The following FAM220A variants were observed in gnomAD, a reference collection of about 807,000 sequenced individuals.
FAM220A encodes the protein family with sequence similarity 220 member A.
For synonymous variants in FAM220A, 141 were observed against 130.7 expected, an observed-to-expected ratio of 1.08 and a Z score of -0.54; for missense variants, 392 against 321.6, an observed-to-expected ratio of 1.22 and a Z score of -1.68.
At chr7:6,336,462 C>A (rs1241834421) in intron 1 of FAM220A, among the ~76,000 whole-genome samples, 2 of 152,126 alleles carry the variant, frequency 1.3e-5, no homozygotes, top group Non-Finnish European at 2.9e-5. Flanking sequence ...AGGCAGATCT[C>A]TTGAGGTCAG....
At chr7:6,337,342 TAACTCC>T (rs1437901223) in intron 1 of FAM220A, among the ~76,000 whole-genome samples, 1 of 151,662 alleles carries the variant, frequency 6.6e-6, no homozygotes, top group Non-Finnish European at 1.5e-5. Flanking sequence ...GGCTGGTCTC[TAACTCC>T]TGACCTCAGG....
At chr7:6,346,131 G>A (rs1781947012) in intron 1 of FAM220A, among the ~76,000 whole-genome samples, 1 of 151,912 alleles carries the variant, frequency 6.6e-6, no homozygotes, top group African/African-American at 2.4e-5. Context: ...ATTTCTCTTG[G>A]TGCTGACTAG....
intron 1 of FAM220A, among the ~76,000 whole-genome samples, chr7:6,343,043 AAAAAAG>A (rs1781892308): frequency 7.9e-6 from 1 of 126,098 alleles, no homozygotes; most frequent in Non-Finnish European, 1.7e-5. Context: ...TCTCAAAAAA[AAAAAAG>A]AAAAAAGAAA....
intron 1 of FAM220A, among the ~76,000 whole-genome samples, chr7:6,333,276 G>A (rs796407720): frequency 2.9e-4 from 44 of 152,188 alleles, no homozygotes; most frequent in African/African-American, 1.0e-3. Context: ...AAGAGACCTC[G>A]GGCCATGTCA....
intron 1 of FAM220A, 40 bp downstream of exon 1, chr7:6,348,531 GCT>G (rs1781999261): frequency 2.4e-6 from 1 of 416,534 alleles, no homozygotes; most frequent in Non-Finnish European, 4.2e-6. Context: ...CGAGGCGGGC[GCT>G]CGGGGAGGGC....
chr7:6,348,313 T>C (rs1392371815), intron 1 of FAM220A, among the ~76,000 whole-genome samples: 3 of 151,818 alleles, frequency 2.0e-5, no homozygotes, highest in Non-Finnish European at 2.9e-5. Flanking sequence ...TTCCAGCCCA[T>C]GCAGTCTCGG....
chr7:6,348,013 C>A (rs1276167714), intron 1 of FAM220A, among the ~76,000 whole-genome samples: 2 of 151,442 alleles, frequency 1.3e-5, no homozygotes, highest in Non-Finnish European at 1.5e-5. Flanking sequence ...CAGGTTCCAG[C>A]GATTCTGCCG....
intron 1 of FAM220A, among the ~76,000 whole-genome samples, chr7:6,347,852 G>A (rs1781982301): frequency 1.3e-5 from 2 of 150,300 alleles, no homozygotes; most frequent in South Asian, 2.1e-4. Context: ...CCAGGAGTTC[G>A]AGACCAGCCT....
chr7:6,348,666 C>A lies in FAM220A; in HGVS notation c.-175G>T, dbSNP rs1477511014. 5 of 508,324 alleles carry A rather than the reference C, an allele frequency of 9.8e-6. No homozygotes were observed. The highest frequency in any genetic ancestry group is 9.1e-5 in the Admixed American group (3 of 32,826). The allele number at this position is 508,324 out of a possible 1,614,324, so 31.5% of individuals were successfully genotyped here. A position where few individuals can be genotyped will look rare whatever the true frequency, so the allele number is the denominator to read the frequency against. The stretch of plus-strand genomic sequence containing the variant: ...AGGCCAGGTCGAAGAAGATGAGCAG[C>A]GTGCGAGTCAGCCCCTTGCAGAAGA... On this transcript the variant is annotated 5_prime_UTR_variant, in exon 1 of 2. Coordinates refer to ENST00000313324, the MANE Select transcript of FAM220A (RefSeq NM_001037163.2).
Position 6,330,355 on chromosome 7 carries a change from G to A in FAM220A, c.*20C>T, listed in dbSNP as rs201672957. On this transcript the variant is annotated 3_prime_UTR_variant, in exon 2 of 2. Coordinates refer to ENST00000313324, the MANE Select transcript of FAM220A (RefSeq NM_001037163.2). ...AGACAACTCTTAAAATTAATCTATT[G>A]GTATTGTTCTGCTTGTACCTTAACT... 1.4e-4 allele frequency: 228 copies of A among 1,581,554 alleles called. 2 individuals are homozygous for A. The African/African-American group carries it at 2.6e-3, about 18-fold the overall frequency.
chr7:6,330,744 G>C lies in FAM220A; in HGVS notation c.411C>G (p.Ala137=). 1.2e-6 allele frequency: 2 copies of C among 1,614,130 alleles called. No homozygotes were observed. The highest frequency in any genetic ancestry group is 3.3e-5 in the Admixed American group (2 of 60,002). ...GGCACTGTCCTCTGTGGCCGTCAGT[G>C]GCCCTGGGCCCTCCTCCCAGCCAGT... ...RRDWLGGGPR[A]TDGHRGQCPK... The change falls in exon 2 of 2, where the codon GCC becomes GCG. Residue 137 remains alanine (A), a synonymous_variant. Coordinates refer to ENST00000313324, the MANE Select transcript of FAM220A (RefSeq NM_001037163.2).
In FAM220A at chr7:6,348,615, GT is replaced by G. The variant is rs1782000733; in HGVS notation, c.-125del. ...GCATCATGGAAGCCACGATGTAGAG[GT>G]AGGGGAAGTTGATACGCAGCCGCCA... On this transcript the variant is annotated 5_prime_UTR_variant, in exon 1 of 2. An upstream open reading frame in the 5' UTR gains an earlier in-frame stop. Coordinates refer to ENST00000313324, the MANE Select transcript of FAM220A (RefSeq NM_001037163.2). 2.0e-6 allele frequency: 1 copy of G among 492,594 alleles called. No homozygotes were observed. The highest frequency in any genetic ancestry group is 3.3e-5 in the Admixed American group (1 of 30,404). 30.5% of individuals were successfully genotyped at this position (492,594 alleles called of 1,614,324 possible).
rs1283589079 is a variant in FAM220A, at chr7:6,330,745, G to A, written c.410C>T (p.Ala137Val). ...RRDWLGGGPR[A>V]TDGHRGQCPK... is the part of the protein sequence containing the mutation. ...GCACTGTCCTCTGTGGCCGTCAGTG[G>A]CCCTGGGCCCTCCTCCCAGCCAGTC... The change falls in exon 2 of 2, where the codon GCC becomes GTC. Residue 137 changes from alanine to valine, a missense_variant. By Grantham distance (64) the Ala-to-Val change is moderately conservative. Transcript: ENST00000313324. 3.7e-6 allele frequency: 6 copies of A among 1,614,018 alleles called. No homozygotes were observed. Among genetic ancestry groups the A allele is most frequent in the East Asian group, 4.5e-5 (2 of 44,892 alleles).
At chr7:6,343,109 G>T (rs1197652941) in intron 1 of FAM220A, among the ~76,000 whole-genome samples, 1 of 151,420 alleles carries the variant, frequency 6.6e-6, no homozygotes, top group African/African-American at 2.4e-5. Context: ...AGGTGCAGTG[G>T]CTTACACCTG....
chr7:6,348,539 A>AGGGCCGG (rs1345377605), intron 1 of FAM220A, 34 bp downstream of exon 1: 2 of 418,310 alleles, frequency 4.8e-6, no homozygotes, highest in Non-Finnish European at 8.5e-6. Flanking sequence ...GCGCTCGGGG[A>AGGGCCGG]GGGCCGGGGG....
At position 6,331,132 on chromosome 7, in the gene FAM220A, A is replaced by C. The variant is rs1376781348; in HGVS notation, c.23T>G (p.Leu8Arg). The change falls in exon 2 of 2, where the codon CTC (leucine) becomes CGC (arginine). Residue 8 changes from leucine to arginine, a missense_variant. Transcript: ENST00000313324. ...CTGCACTTGTGCCAGGCAGGTGCCG[A>C]GGGGCCCTCTTCTGTCCCTCATGCT... MRDRRGP[L>R]GTCLAQVQQA... is the part of the protein sequence containing the mutation. The C allele has an allele frequency of 6.2e-7, 1 of 1,612,998 alleles. No individual in the cohort carries two copies. The highest frequency in any genetic ancestry group is 8.5e-7 in the Non-Finnish European group (1 of 1,179,882).
At chr7:6,333,168 C>CAAAAAAAAAAAAA (rs111863837) in intron 1 of FAM220A, among the ~76,000 whole-genome samples, 9 of 127,962 alleles carry the variant, frequency 7.0e-5, no homozygotes, top group Non-Finnish European at 1.4e-4. Context: ...ATAAAAAAAT[C>CAAAAAAAAAAAAA]AAAAAAAAAA....
intron 1 of FAM220A, among the ~76,000 whole-genome samples, chr7:6,331,532 C>A (rs1218480552): frequency 6.6e-6 from 1 of 151,834 alleles, no homozygotes; most frequent in African/African-American, 2.4e-5. Context: ...CAGTTGCATG[C>A]CACCAAGCCC....
chr7:6,346,464 T>C (rs1191600891), intron 1 of FAM220A, among the ~76,000 whole-genome samples: 1 of 152,114 alleles, frequency 6.6e-6, no homozygotes, highest in Non-Finnish European at 1.5e-5. Flanking sequence ...CCTCCCAGGC[T>C]CAAGCGATCC....
Sources: gnomAD v4.1 joint callset for allele counts (sites outside exome capture counted in the v4.1 genomes callset) on GRCh38, gnomAD v4.1.1 for gene constraint, MANE v1.5 for transcripts, NCBI Gene and HGNC (gene_info 2026-07-23, HGNC 2026-07-21) for gene names.